Variants in PRKCE observed in about 807,000 individuals in gnomAD.
PRKCE encodes the protein protein kinase C epsilon.
PRKCE carries 16 observed loss-of-function variants against 85.4 expected under a neutral mutation model. The ratio of observed to expected loss-of-function variants is 0.19; its 90% CI spans 0.13 to 0.28. PRKCE has a LOEUF of 0.28. Among genes scored for constraint, PRKCE ranks in the 10% least tolerant of loss-of-function variants. PRKCE has a pLI of 1.00. For synonymous variants in PRKCE, 388 were observed against 371.5 expected (o/e 1.04, Z -0.51); for missense variants, 573 against 975.2 (o/e 0.59, Z 5.49).
chr2:46,115,227 C>T (rs1186138190), intron 11 of PRKCE, among the ~76,000 whole-genome samples: 1 of 152,236 alleles, frequency 6.6e-6, no homozygotes, highest in Non-Finnish European at 1.5e-5. Flanking sequence ...CTCAGCCTGT[C>T]ACCTTGGCCT....
At position 45,741,457 on chromosome 2, in the gene PRKCE, C is replaced by T. The variant is rs1290744402; in HGVS notation, c.348+89009C>T. On this transcript the variant is annotated intron_variant, in intron 1 of 14. Coordinates refer to ENST00000306156, the MANE Select transcript of PRKCE (RefSeq NM_005400.3). ...GACAAATATCAGAATCTTCCTGGGGCCAGTAGCACCAGAATGGGGCCTGGC... is the reference window on the plus strand; with the variant it reads ...GACAAATATCAGAATCTTCCTGGGGTCAGTAGCACCAGAATGGGGCCTGGC... 2.2e-4 allele frequency among the ~76,000 whole-genome samples: 27 copies of T among 124,370 alleles called. No homozygotes were observed. In the Admixed American group the frequency reaches 2.3e-3, roughly 11 times the overall value. The allele number at this position is 124,370 out of a possible 152,430, so 81.6% of individuals were successfully genotyped here. A position where few individuals can be genotyped will look rare whatever the true frequency, so the allele number is the denominator to read the frequency against.
At chr2:45,738,888 G>A (rs868482470) in intron 1 of PRKCE, among the ~76,000 whole-genome samples, 16 of 152,304 alleles carry the variant, frequency 1.1e-4, no homozygotes, top group African/African-American at 2.6e-4. Context: ...CTGTTATTTC[G>A]TGATCTTCAC....
At chr2:45,818,936 T>A (rs1689300848) in intron 1 of PRKCE, among the ~76,000 whole-genome samples, 1 of 152,154 alleles carries the variant, frequency 6.6e-6, no homozygotes, top group Admixed American at 6.5e-5. Flanking sequence ...AGGCTTTGAA[T>A]GCTCAGATGG....
intron 11 of PRKCE, among the ~76,000 whole-genome samples, chr2:46,088,936 T>A (rs1027365414): frequency 6.6e-6 from 1 of 152,206 alleles, no homozygotes; most frequent in African/African-American, 2.4e-5. Context: ...CTTGGTACCC[T>A]GCCTTTTCAA....
chr2:45,674,887 G>A (rs1676349574), intron 1 of PRKCE: 1 of 152,232 alleles, frequency 6.6e-6, no homozygotes, highest in South Asian at 2.1e-4. Flanking sequence ...GCAAAGTGAA[G>A]CAGGCAGTTG....
chr2:45,652,489 TG>T lies in PRKCE; in HGVS notation c.348+45del. The T allele has an allele frequency of 6.5e-7, 1 of 1,530,422 alleles. No individual in the cohort carries two copies. Among genetic ancestry groups the T allele is most frequent in the Non-Finnish European group, 8.8e-7 (1 of 1,131,556 alleles). 94.8% of individuals were successfully genotyped at this position (1,530,422 alleles called of 1,614,324 possible). A position where few individuals can be genotyped will look rare whatever the true frequency, so the allele number is the denominator to read the frequency against. ...CCCCGTCATTCCGGGAACCCGGTTG[TG>T]GGGTCCCGGGGAAAGACTCGCTGGT... is the stretch of plus-strand genomic sequence containing the variant. On this transcript the variant is annotated intron_variant, in intron 1 of 14. Coordinates refer to ENST00000306156, the MANE Select transcript of PRKCE (RefSeq NM_005400.3). This position sits in a 1 kb window ranked among gnomAD's most constrained non-coding sequence, Gnocchi z 7.7.
chr2:46,105,344 G>C (rs1344334942), intron 11 of PRKCE, among the ~76,000 whole-genome samples: 2 of 151,968 alleles, frequency 1.3e-5, no homozygotes, highest in Non-Finnish European at 2.9e-5. Flanking sequence ...CCCTGTAAAA[G>C]CTGCCTTTCA....
intron 2 of PRKCE, among the ~76,000 whole-genome samples, chr2:45,945,772 G>T (rs954591119): frequency 2.0e-5 from 3 of 152,228 alleles, no homozygotes; most frequent in Non-Finnish European, 4.4e-5. Context: ...TAGAACACAG[G>T]CATCTGGCAA....
At chr2:46,064,991 T>C (rs2103662641) in intron 10 of PRKCE, among the ~76,000 whole-genome samples, 1 of 152,354 alleles carries the variant, frequency 6.6e-6, no homozygotes, top group South Asian at 2.1e-4. Flanking sequence ...ATTTTTCATG[T>C]TCTAGCTTGA....
intron 6 of PRKCE, among the ~76,000 whole-genome samples, chr2:45,985,696 G>A (rs1194243290): frequency 6.6e-6 from 1 of 152,194 alleles, no homozygotes; most frequent in Non-Finnish European, 1.5e-5. Flanking sequence ...TATCAAGGAG[G>A]AATGATTTAT....
chr2:45,917,257 G>A (rs144027287), intron 2 of PRKCE, among the ~76,000 whole-genome samples: 6 of 152,160 alleles, frequency 3.9e-5, no homozygotes, highest in East Asian at 1.9e-4. Flanking sequence ...TCTCCAAGTC[G>A]CCGCCAGAGT....
At chr2:45,694,491 A>G (rs1322942470) in intron 1 of PRKCE, among the ~76,000 whole-genome samples, 2 of 152,226 alleles carry the variant, frequency 1.3e-5, no homozygotes, top group Non-Finnish European at 2.9e-5. Context: ...TAACAGACAC[A>G]AGAGGAACAG....
At chr2:45,789,495 T>C (rs1030515239) in intron 1 of PRKCE, among the ~76,000 whole-genome samples, 5 of 152,198 alleles carry the variant, frequency 3.3e-5, no homozygotes, top group Admixed American at 6.5e-5. Flanking sequence ...CAGTGGAGCA[T>C]AGCTCCTGCC....
At chr2:46,011,971 A>C (rs1705718753) in intron 10 of PRKCE, among the ~76,000 whole-genome samples, 1 of 152,196 alleles carries the variant, frequency 6.6e-6, no homozygotes, top group Admixed American at 6.5e-5. Context: ...ACCACTATTT[A>C]ATAGGAATCT....
intron 13 of PRKCE, among the ~76,000 whole-genome samples, chr2:46,153,361 C>T (rs571117668): frequency 1.3e-4 from 19 of 151,984 alleles, no homozygotes; most frequent in Non-Finnish European, 1.8e-4. Context: ...CTATGCCAGG[C>T]GCTGGTGATA....
chr2:46,024,932 A>G (rs1455216637), intron 10 of PRKCE, among the ~76,000 whole-genome samples: 1 of 152,218 alleles, frequency 6.6e-6, no homozygotes, highest in African/African-American at 2.4e-5. Context: ...TACTTCTACC[A>G]TCCAATTTGC....
chr2:45,919,980 G>A (rs1434779940), intron 2 of PRKCE, among the ~76,000 whole-genome samples: 10 of 152,192 alleles, frequency 6.6e-5, no homozygotes, highest in African/African-American at 2.4e-4. Flanking sequence ...TGAGACCTGA[G>A]AACTGGCTTC....
At chr2:45,843,189 A>G (rs1558740788) in intron 2 of PRKCE, 126 bp downstream of exon 2, 1 of 875,802 alleles carries the variant, frequency 1.1e-6, no homozygotes, top group East Asian at 2.4e-5. Context: ...CCTTTAAAGG[A>G]AAAGGTTATT....
At chr2:46,179,846 C>G (rs1010906952) in intron 14 of PRKCE, among the ~76,000 whole-genome samples, 4 of 152,154 alleles carry the variant, frequency 2.6e-5, no homozygotes, top group African/African-American at 7.2e-5. Flanking sequence ...GCCATCCCCC[C>G]CAACTCCCTG....
Sources: allele counts gnomAD v4.1 joint callset (sites outside exome capture counted in the v4.1 genomes callset), GRCh38; gene constraint gnomAD v4.1.1; non-coding constraint Gnocchi (gnomAD v3.1); transcripts MANE v1.5; gene names NCBI Gene and HGNC (gene_info 2026-07-23, HGNC 2026-07-21).